EPM2A: variants seen among roughly 807,000 people sequenced by gnomAD.
EPM2A encodes EPM2A glucan phosphatase, laforin, also known as laforin.
In EPM2A, 21 loss-of-function variants were observed where a neutral mutation model predicts 26.5. That is an observed-to-expected ratio of 0.79 (90% CI 0.56 to 1.14). The LOEUF (loss-of-function observed/expected upper bound fraction) is 1.14, where lower values mean the gene tolerates loss of function less well. Among genes scored for constraint, EPM2A ranks in the 50% most tolerant of loss-of-function variants. EPM2A has a pLI of 0.00. For synonymous variants in EPM2A, 217 were observed against 177.6 expected, an observed-to-expected ratio of 1.22 and a Z score of -1.76; for missense variants, 458 against 440.8, an observed-to-expected ratio of 1.04 and a Z score of -0.35.
rs376032645 is a variant in EPM2A at position 145,579,899 on chromosome 6, CAT to C, written c.340+55344_340+55345del. Among the ~76,000 whole-genome samples the C allele has an allele frequency of 5.0e-3, 763 of 152,190 alleles. 4 individuals carry two copies. Among genetic ancestry groups the C allele is most frequent in the African/African-American group, 0.018 (743 of 41,552 alleles). Reference sequence around the variant, plus strand: ...ATAGGTTTATATTAGTTATCTCTAACATATAACAGTCTATATTCAAGTGATAT... The same window carrying C: ...ATAGGTTTATATTAGTTATCTCTAACATAACAGTCTATATTCAAGTGATAT... On this transcript the variant is annotated intron_variant, in intron 2 of 3. Transcript: ENST00000450221.
At chr6:145,585,866 G>T (rs1781189501) in intron 2 of EPM2A, among the ~76,000 whole-genome samples, 1 of 152,136 alleles carries the variant, frequency 6.6e-6, no homozygotes, top group Non-Finnish European at 1.5e-5. Context: ...ATTTTGCCTT[G>T]TTCCCGACGC....
At chr6:145,647,200 T>C (rs1256461836) in intron 2 of EPM2A, among the ~76,000 whole-genome samples, 1 of 152,218 alleles carries the variant, frequency 6.6e-6, no homozygotes, top group East Asian at 1.9e-4. Flanking sequence ...TTCAATCTTT[T>C]GGCCTGACTC....
At chr6:145,502,682 T>C (rs1157433774) in intron 2 of EPM2A, 1 of 436,484 alleles carries the variant, frequency 2.3e-6, no homozygotes, top group African/African-American at 2.0e-5. Flanking sequence ...AAATAAACAG[T>C]GACTATTTCC....
At chr6:145,438,471 T>TC (rs1779018073) in intron 4 of EPM2A, among the ~76,000 whole-genome samples, 2 of 77,130 alleles carry the variant, frequency 2.6e-5, no homozygotes, top group Admixed American at 2.8e-4. Context: ...AGGGAATAAT[T>TC]TTTTTTTTTT....
intron 1 of EPM2A, among the ~76,000 whole-genome samples, chr6:145,714,486 A>G (rs573659790): frequency 6.6e-6 from 1 of 152,188 alleles, no homozygotes; most frequent in Non-Finnish European, 1.5e-5. Context: ...TACCACAAAC[A>G]CTTCTCATAT....
intron 2 of EPM2A, chr6:145,639,482 A>G (rs1489133625): frequency 6.6e-6 from 1 of 152,192 alleles, no homozygotes; most frequent in African/African-American, 2.4e-5. Flanking sequence ...TTAGAAATTA[A>G]CTAGATTGTG....
chr6:145,603,267 T>A (rs1781439616), intron 2 of EPM2A, among the ~76,000 whole-genome samples: 1 of 140,742 alleles, frequency 7.1e-6, no homozygotes, highest in South Asian at 2.3e-4. Flanking sequence ...AGAGAATCTG[T>A]TATCTCTAAA....
intron 4 of EPM2A, among the ~76,000 whole-genome samples, chr6:145,455,423 T>C (rs1375070948): frequency 6.6e-6 from 1 of 152,138 alleles, no homozygotes; most frequent in Non-Finnish European, 1.5e-5. Context: ...AGTGGCGGGA[T>C]CTTGCCTCAC....
At chr6:145,692,773 T>C (rs1311559278) in intron 1 of EPM2A, among the ~76,000 whole-genome samples, 1 of 152,116 alleles carries the variant, frequency 6.6e-6, no homozygotes, top group African/African-American at 2.4e-5. Context: ...CATTGGTCTA[T>C]GTGTCCATTT....
At chr6:145,641,507 T>C (rs2128569015) in intron 2 of EPM2A, among the ~76,000 whole-genome samples, 1 of 152,306 alleles carries the variant, frequency 6.6e-6, no homozygotes, top group South Asian at 2.1e-4. Flanking sequence ...AGCCACACTG[T>C]CTGTGGCACT....
At chr6:145,722,972 T>C (rs1378990167) in intron 1 of EPM2A, among the ~76,000 whole-genome samples, 4 of 152,220 alleles carry the variant, frequency 2.6e-5, no homozygotes, top group Non-Finnish European at 5.9e-5. Flanking sequence ...TGTGGAACCA[T>C]AAATTTCTGT....
chr6:145,608,645 A>G (rs1294264755), intron 2 of EPM2A, among the ~76,000 whole-genome samples: 1 of 152,192 alleles, frequency 6.6e-6, no homozygotes, highest in East Asian at 1.9e-4. Context: ...TAAACAACAG[A>G]CATGCAAAAG....
intron 4 of EPM2A, among the ~76,000 whole-genome samples, chr6:145,384,643 G>A (rs1233029807): frequency 6.8e-6 from 1 of 146,972 alleles, no homozygotes; most frequent in Admixed American, 7.0e-5. Flanking sequence ...AGTAGTTCCT[G>A]GGGAGTGCTG....
intron 2 of EPM2A, among the ~76,000 whole-genome samples, chr6:145,526,177 C>A (rs1780270401): frequency 6.6e-6 from 1 of 152,044 alleles, no homozygotes; most frequent in Non-Finnish European, 1.5e-5. Flanking sequence ...TTTTGATGTG[C>A]TGCTGGATTC....
At chr6:145,698,067 T>C (rs942796955) in intron 1 of EPM2A, among the ~76,000 whole-genome samples, 1 of 152,204 alleles carries the variant, frequency 6.6e-6, no homozygotes, top group African/African-American at 2.4e-5. Context: ...ATTATAAAAG[T>C]ATTAATTTGG....
At chr6:145,585,184 C>G (rs1356991402) in intron 2 of EPM2A, among the ~76,000 whole-genome samples, 1 of 151,914 alleles carries the variant, frequency 6.6e-6, no homozygotes, top group Non-Finnish European at 1.5e-5. Context: ...TTAAGACTTT[C>G]TCTTCATCAT....
intron 2 of EPM2A, among the ~76,000 whole-genome samples, chr6:145,575,033 G>A (rs190490220): frequency 6.6e-6 from 1 of 152,230 alleles, no homozygotes; most frequent in East Asian, 1.9e-4. Context: ...TCTAGTTATA[G>A]GTCTAGAAGC....
downstream of EPM2A, among the ~76,000 whole-genome samples, chr6:145,496,728 A>ATGTTTTTTTTTGTTT (rs779194973): frequency 9.4e-6 from 1 of 106,908 alleles, no homozygotes; most frequent in South Asian, 3.6e-4. Context: ...AGTTCCTGCA[A>ATGTTTTTTTTTGTTT]TTTTTTTTTT....
At chr6:145,470,856 T>A (rs940766033) in intron 4 of EPM2A, among the ~76,000 whole-genome samples, 4 of 152,176 alleles carry the variant, frequency 2.6e-5, no homozygotes, top group African/African-American at 9.7e-5. Flanking sequence ...TAATACTATA[T>A]AATAAACCAC....
Sources: allele counts gnomAD v4.1 joint callset (sites outside exome capture counted in the v4.1 genomes callset), GRCh38; gene constraint gnomAD v4.1.1; transcripts MANE v1.5; gene names NCBI Gene and HGNC (gene_info 2026-07-23, HGNC 2026-07-21).